PRKAG3: variants seen among roughly 807,000 people sequenced by gnomAD.
The protein encoded by PRKAG3 is protein kinase AMP-activated non-catalytic subunit gamma 3, also known as 5'-AMP-activated protein kinase subunit gamma-3.
Under a neutral mutation model 56.5 loss-of-function variants are expected in PRKAG3, and 39 were observed. The observed-to-expected ratio is 0.69, with a 90% CI of 0.53 to 0.90. The LOEUF (loss-of-function observed/expected upper bound fraction) is 0.90. Ranked by LOEUF, PRKAG3 falls within the 40% of genes least tolerant of loss-of-function variation. PRKAG3 has a pLI of 0.00. For missense variants in PRKAG3, 628 were observed against 627.5 expected (o/e 1.00, Z -0.01); for synonymous variants, 243 against 250.1 (o/e 0.97, Z 0.27).
chr2:218,831,723 C>G lies in PRKAG3; in HGVS notation c.33+15G>C. 1.2e-6 allele frequency: 2 copies of G among 1,609,786 alleles called. No homozygotes were observed. Among genetic ancestry groups the G allele is most frequent in the South Asian group, 1.1e-5 (1 of 89,742 alleles). ...CTCAGCTGCCCCGGCTCCGGCTCCC[C>G]TGGGACCCCCATACCCTGCGCAGTG... On this transcript the variant is annotated intron_variant, in intron 1 of 12. Coordinates refer to ENST00000529249, the Ensembl canonical transcript of PRKAG3.
rs3078328 is a variant in PRKAG3, at chr2:218,825,335, C to CAAAAA, written c.1169-764_1169-760dup. ...CAGGCGACAGAGCAAGACTCTGTCT[C>CAAAAA]AAAAAAAAAAAAAAAAAAAATTCTT... On this transcript the variant is annotated intron_variant, in intron 10 of 12. Coordinates refer to ENST00000529249, the Ensembl canonical transcript of PRKAG3. 1.8e-3 allele frequency among the ~76,000 whole-genome samples: 126 copies of CAAAAA among 71,094 alleles called. 1 individual carries two copies. The highest frequency in any genetic ancestry group is 4.6e-3 in the African/African-American group (118 of 25,866). The allele number at this position is 71,094 out of a possible 152,430, so 46.6% of individuals were successfully genotyped here. A position where few individuals can be genotyped will look rare whatever the true frequency, so the allele number is the denominator to read the frequency against.
At position 218,827,184 on chromosome 2, in the gene PRKAG3, TCCTCA is replaced by T. The variant is rs1370224669; in HGVS notation, c.1002+58_1002+62del. 44 of 1,613,218 alleles carry T rather than the reference TCCTCA, an allele frequency of 2.7e-5. No individual in the cohort carries two copies. Among genetic ancestry groups the T allele is most frequent in the South Asian group, 9.9e-5 (9 of 91,030 alleles). ...CCCCACGACTGCTAGGGCTGAAGAC[TCCTCA>T]GGCCCTCTGATCACCTGCCCAGGTC... is the stretch of plus-strand genomic sequence containing the variant. On this transcript the variant is annotated intron_variant, in intron 9 of 12. Transcript: ENST00000529249. The surrounding 1 kb of genome is among the most constrained non-coding windows in gnomAD (Gnocchi z 5.3).
At chr2:218,830,673 G>A in intron 3 of PRKAG3, 73 bp downstream of exon 3, 1 of 1,546,476 alleles carries the variant, frequency 6.5e-7, no homozygotes, top group Admixed American at 1.8e-5. Flanking sequence ...CTGAGGTAGA[G>A]ACCAGACCCA....
intron 10 of PRKAG3, 68 bp downstream of exon 10, chr2:218,826,860 C>T: frequency 1.3e-6 from 2 of 1,590,840 alleles, no homozygotes; most frequent in Non-Finnish European, 8.6e-7. Flanking sequence ...CTGCCCTTCC[C>T]ATATTCTCCC....
downstream of PRKAG3, chr2:218,822,938 C>T: frequency 7.1e-6 from 7 of 985,682 alleles, no homozygotes; most frequent in Non-Finnish European, 8.4e-6. Flanking sequence ...TGGGGTAATC[C>T]TAGTGCCTCT....
chr2:218,823,330 G>A, exon 13 of PRKAG3: 1 of 256,142 alleles, frequency 3.9e-6, no homozygotes, highest in Non-Finnish European at 7.7e-6. Flanking sequence ...TGTTGATATA[G>A]CTTGCTTCCT....
chr2:218,823,761 C>T lies in PRKAG3; in HGVS notation c.*1G>A, dbSNP rs781414799. On this transcript the variant is annotated 3_prime_UTR_variant, in exon 13 of 13. Transcript: ENST00000529249. The stretch of plus-strand genomic sequence containing the variant: ...GCTTGGGATTGAGGACTCAGATCTT[C>T]TCAGGCCCCGAGGGCATCGATGCCA... 3 of 1,613,992 alleles carry T rather than the reference C, an allele frequency of 1.9e-6. No individual in the cohort carries two copies. The East Asian group carries it at 6.7e-5, about 36-fold the overall frequency.
exon 4 of PRKAG3, chr2:218,830,044 C>T: frequency 1.2e-6 from 2 of 1,614,078 alleles, no homozygotes; most frequent in Non-Finnish European, 1.7e-6. Flanking sequence ...AGGTGTGCTC[C>T]TGCATGAAGC....
intron 10 of PRKAG3, among the ~76,000 whole-genome samples, chr2:218,825,654 A>G (rs1288221207): frequency 6.6e-6 from 1 of 152,036 alleles, no homozygotes; most frequent in Non-Finnish European, 1.5e-5. Flanking sequence ...TCCCAAAACA[A>G]CACCCAAAAT....
chr2:218,826,954 GAC>G lies in PRKAG3; in HGVS notation c.1140_1141del (p.Ser381CysfsTer19), dbSNP rs769826017. 1 of 1,614,142 alleles carries G rather than the reference GAC, an allele frequency of 6.2e-7. No homozygotes were observed. Among genetic ancestry groups the G allele is most frequent in the Non-Finnish European group, 8.5e-7 (1 of 1,180,046 alleles). ...ACATTCGTTGACCACAGGCAGTGCA[GAC>G]ACACGCCGGTCCACAAAGATGTCCA... On this transcript the variant is annotated frameshift_variant, in exon 10 of 13. Transcript: ENST00000529249. LOFTEE classifies it high-confidence loss of function.
rs1944003272 is a variant in PRKAG3, at chr2:218,830,389, G to C, written c.230-8C>G. ...CTGGCCTGGACCGGGGACCTGTTTG[G>C]GGGAGGAGGGGAAGAGGACAGTAAC... On this transcript the variant is annotated splice_polypyrimidine_tract_variant and splice_region_variant and intron_variant, in intron 3 of 12. Coordinates refer to ENST00000529249, the Ensembl canonical transcript of PRKAG3. 3.7e-6 allele frequency: 6 copies of C among 1,604,488 alleles called. No homozygotes were observed. The highest frequency in any genetic ancestry group is 1.3e-5 in the African/African-American group (1 of 74,818).
In PRKAG3 at chr2:218,828,444, T is replaced by A. The variant is rs1344080516; in HGVS notation, c.715+75A>T. On this transcript the variant is annotated intron_variant, in intron 5 of 12. Transcript: ENST00000529249. ...AGCCAAGCTTGTGGTATATCAGAGA[T>A]CAGCCCCAGAACAACCGTACAAGAT... The A allele has an allele frequency of 2.8e-6, 4 of 1,424,206 alleles. No individual in the cohort carries two copies. The African/African-American group carries it at 5.7e-5, about 20-fold the overall frequency. The allele number at this position is 1,424,206 out of a possible 1,614,324, so 88.2% of individuals were successfully genotyped here.
intron 4 of PRKAG3, among the ~76,000 whole-genome samples, chr2:218,829,633 T>G (rs1943988772): frequency 6.6e-6 from 1 of 152,076 alleles, no homozygotes; most frequent in South Asian, 2.1e-4. Context: ...GCCTCTGCAA[T>G]GTCTTACACA....
At position 218,827,957 on chromosome 2, in the gene PRKAG3, G is replaced by C; in HGVS notation, c.774+47C>G. ...CCAGGCTCCAGGAGGACTCCCCTCC[G>C]CCCCCGCCCCTCTGGGTGCCCATAA... On this transcript the variant is annotated intron_variant, in intron 6 of 12. Transcript: ENST00000529249. This position sits in a 1 kb window ranked among gnomAD's most constrained non-coding sequence, Gnocchi z 5.3. 6.3e-7 allele frequency: 1 copy of C among 1,596,564 alleles called. No homozygotes were observed. The highest frequency in any genetic ancestry group is 8.5e-7 in the Non-Finnish European group (1 of 1,169,868).
intron 10 of PRKAG3, 130 bp downstream of exon 10, chr2:218,826,798 C>T (rs1011856704): frequency 8.0e-7 from 1 of 1,255,462 alleles, no homozygotes; most frequent in Middle Eastern, 2.6e-4. Context: ...TAGACGGAGA[C>T]TTCTAATCCC....
intron 2 of PRKAG3, among the ~76,000 whole-genome samples, 183 bp from the exon 3 acceptor site, chr2:218,831,084 G>A (rs1479694248): frequency 2.0e-5 from 3 of 152,164 alleles, no homozygotes; most frequent in Admixed American, 6.5e-5. Context: ...TTGCTAGTGA[G>A]GGACCAGAAA....
chr2:218,823,260 G>T, downstream of PRKAG3: 1 of 228,202 alleles, frequency 4.4e-6, no homozygotes, highest in Non-Finnish European at 8.4e-6. Context: ...GAGCACGTAG[G>T]TAGAAGCTCC....
intron 10 of PRKAG3, among the ~76,000 whole-genome samples, chr2:218,825,820 G>A (rs1308334006): frequency 6.8e-6 from 1 of 146,896 alleles, no homozygotes; most frequent in African/African-American, 2.5e-5. Flanking sequence ...ACAGTGGCGC[G>A]ATCTTGGCTC....
At chr2:218,825,995 G>A (rs774456133) in intron 10 of PRKAG3, among the ~76,000 whole-genome samples, 2 of 152,010 alleles carry the variant, frequency 1.3e-5, no homozygotes, top group African/African-American at 2.4e-5. Context: ...TCTTGACCTC[G>A]TGATCCGCCC....
Sources: gnomAD v4.1 joint callset for allele counts (sites outside exome capture counted in the v4.1 genomes callset) on GRCh38, gnomAD v4.1.1 for gene constraint, Gnocchi (gnomAD v3.1) non-coding constraint, MANE v1.5 for transcripts, NCBI Gene and HGNC (gene_info 2026-07-23, HGNC 2026-07-21) for gene names.